Variants in ZBTB46 observed in about 807,000 individuals in gnomAD.
ZBTB46 encodes the protein zinc finger and BTB domain-containing protein 46.
ZBTB46 carries 8 observed loss-of-function variants against 44.1 expected under a neutral mutation model. That is an observed-to-expected ratio of 0.18 (90% CI 0.11 to 0.33). The LOEUF (loss-of-function observed/expected upper bound fraction) is 0.33. ZBTB46 is among the 10% of genes least tolerant of loss of function. The pLI is 1.00. For missense variants in ZBTB46, 651 were observed against 847.7 expected (o/e 0.77, Z 2.88); for synonymous variants, 409 against 382.3 (o/e 1.07, Z -0.81).
intron 4 of ZBTB46, among the ~76,000 whole-genome samples, chr20:63,748,954 G>C (rs2092132160): frequency 6.6e-6 from 1 of 152,232 alleles, no homozygotes; most frequent in African/African-American, 2.4e-5. Flanking sequence ...TCCCCATCCT[G>C]GGGCTGGACC....
chr20:63,822,158 C>T (rs1237841803), intron 1 of ZBTB46, among the ~76,000 whole-genome samples: 3 of 152,216 alleles, frequency 2.0e-5, no homozygotes, highest in African/African-American at 7.2e-5. Flanking sequence ...GGAACCGATA[C>T]ACTCCCGAAA....
intron 3 of ZBTB46, among the ~76,000 whole-genome samples, chr20:63,758,284 A>G (rs867169808): frequency 6.7e-6 from 1 of 150,028 alleles, no homozygotes; most frequent in South Asian, 2.1e-4. Flanking sequence ...CCTGGGCCAT[A>G]CAACTAGACA....
chr20:63,805,786 C>T (rs913405975), intron 1 of ZBTB46, among the ~76,000 whole-genome samples: 45 of 151,210 alleles, frequency 3.0e-4, no homozygotes, highest in Non-Finnish European at 5.3e-4. Flanking sequence ...GACGGAGTCT[C>T]GCTCTGTCGC....
intron 2 of ZBTB46, among the ~76,000 whole-genome samples, chr20:63,779,057 C>T (rs1200870611): frequency 6.6e-6 from 1 of 152,072 alleles, no homozygotes; most frequent in Non-Finnish European, 1.5e-5. Flanking sequence ...GCTGTGTGCT[C>T]ACGAGCGTGT....
chr20:63,802,462 TG>T (rs2145987112), intron 1 of ZBTB46, among the ~76,000 whole-genome samples: 2 of 102,200 alleles, frequency 2.0e-5, no homozygotes, highest in East Asian at 1.2e-3. Flanking sequence ...TAATCCAGTA[TG>T]ATAAGTACCC....
At position 63,803,540 on chromosome 20, in the gene ZBTB46, T is replaced by C. The variant is rs1016097355; in HGVS notation, c.-33-12750A>G. On this transcript the variant is annotated intron_variant, in intron 1 of 4. Coordinates refer to ENST00000245663, the MANE Select transcript of ZBTB46 (RefSeq NM_001369741.1). The surrounding 1 kb of genome is among the most constrained non-coding windows in gnomAD (Gnocchi z 4.0). ...GTGGCCATCTGAAGATGCAAAGCCA[T>C]GTCTGCCGGCCCCGGGCTGCCCAGG... 3 of 982,912 alleles carry C rather than the reference T, an allele frequency of 3.1e-6. No homozygotes were observed. In the African/African-American group the frequency reaches 5.3e-5, roughly 18 times the overall value. 60.9% of individuals were successfully genotyped at this position (982,912 alleles called of 1,614,324 possible). A position where few individuals can be genotyped will look rare whatever the true frequency, so the allele number is the denominator to read the frequency against.
At chr20:63,833,848 G>C (rs939142306), upstream of ZBTB46, among the ~76,000 whole-genome samples, 1 of 152,242 alleles carries the variant, frequency 6.6e-6, no homozygotes, top group African/African-American at 2.4e-5. Context: ...CCTACAGACC[G>C]TTATTCCAAG....
intron 3 of ZBTB46, among the ~76,000 whole-genome samples, chr20:63,772,901 C>T (rs945924909): frequency 3.9e-5 from 6 of 152,202 alleles, no homozygotes; most frequent in African/African-American, 9.7e-5. Flanking sequence ...CCTCAGGCTC[C>T]GCGGCCACTC....
intron 1 of ZBTB46, among the ~76,000 whole-genome samples, chr20:63,822,411 C>T (rs941383498): frequency 1.3e-5 from 2 of 152,172 alleles, no homozygotes; most frequent in African/African-American, 2.4e-5. Context: ...GACACGTGTA[C>T]ACGCATGCAA....
intron 1 of ZBTB46, among the ~76,000 whole-genome samples, chr20:63,811,594 A>G (rs1472045329): frequency 1.3e-5 from 2 of 152,196 alleles, no homozygotes; most frequent in Non-Finnish European, 2.9e-5. Flanking sequence ...TAGGTGACGC[A>G]GACAACTGAC....
chr20:63,793,949 G>A (rs1365333460), intron 1 of ZBTB46, among the ~76,000 whole-genome samples: 1 of 152,190 alleles, frequency 6.6e-6, no homozygotes, highest in East Asian at 1.9e-4. Context: ...CACTTTGGGA[G>A]GCCGAGGCGG....
intron 2 of ZBTB46, among the ~76,000 whole-genome samples, chr20:63,778,968 C>A (rs2092446796): frequency 1.3e-5 from 2 of 152,168 alleles, no homozygotes; most frequent in Admixed American, 1.3e-4. Context: ...TCTGGTGAGG[C>A]CCCTCCTGAC....
chr20:63,759,036 T>C (rs922967956), intron 3 of ZBTB46, among the ~76,000 whole-genome samples: 12 of 152,196 alleles, frequency 7.9e-5, no homozygotes, highest in Admixed American at 5.2e-4. Flanking sequence ...CCAGCGGAGA[T>C]TCACATCTTA....
At chr20:63,833,452 G>A (rs1446738497), upstream of ZBTB46, among the ~76,000 whole-genome samples, 11 of 152,310 alleles carry the variant, frequency 7.2e-5, no homozygotes, top group East Asian at 9.7e-4. Flanking sequence ...TTAGCCAGGC[G>A]TGGTGGCAGG....
chr20:63,796,289 G>A (rs913128752), intron 1 of ZBTB46, among the ~76,000 whole-genome samples: 5 of 152,248 alleles, frequency 3.3e-5, no homozygotes, highest in Non-Finnish European at 7.3e-5. Context: ...TAGGGCACAA[G>A]GCAGGGAGGG....
intron 1 of ZBTB46, among the ~76,000 whole-genome samples, chr20:63,820,429 T>C (rs1224693462): frequency 6.7e-6 from 1 of 148,496 alleles, no homozygotes; most frequent in South Asian, 2.2e-4. Context: ...TTAAGAAGTA[T>C]ATTATATATA....
intron 1 of ZBTB46, among the ~76,000 whole-genome samples, chr20:63,797,235 G>A (rs565734426): frequency 1.4e-5 from 2 of 141,984 alleles, no homozygotes; most frequent in East Asian, 4.2e-4. Context: ...TCCCACCTAT[G>A]AGTCAGAACA....
intron 1 of ZBTB46, among the ~76,000 whole-genome samples, chr20:63,808,990 A>G (rs1200212482): frequency 6.8e-6 from 1 of 147,286 alleles, no homozygotes; most frequent in Admixed American, 6.7e-5. Flanking sequence ...AAAAAAAAAA[A>G]AAAAAAAAAG....
chr20:63,745,995 C>T lies in ZBTB46; in HGVS notation c.*935G>A, dbSNP rs1372069840. Reference sequence around the variant, plus strand: ...GACTACTTAAAAATTTGGTTACCCACGCGGGGAGGTGTAAGCAGCACACTG... The same window carrying T: ...GACTACTTAAAAATTTGGTTACCCATGCGGGGAGGTGTAAGCAGCACACTG... On this transcript the variant is annotated 3_prime_UTR_variant, in exon 5 of 5. Transcript: ENST00000245663. 3.9e-5 allele frequency: 6 copies of T among 152,718 alleles called. No homozygotes were observed. The highest frequency in any genetic ancestry group is 7.2e-5 in the African/African-American group (3 of 41,466). The allele number at this position is 152,718 out of a possible 1,614,324, so 9.5% of individuals were successfully genotyped here.
Sources: gnomAD v4.1 joint callset for allele counts (sites outside exome capture counted in the v4.1 genomes callset) on GRCh38, gnomAD v4.1.1 for gene constraint, Gnocchi (gnomAD v3.1) non-coding constraint, MANE v1.5 for transcripts, NCBI Gene and HGNC (gene_info 2026-07-23, HGNC 2026-07-21) for gene names.